SORCS2: variants seen among roughly 807,000 people sequenced by gnomAD.
SORCS2 encodes VPS10 domain-containing receptor SorCS2.
A neutral mutation model predicts 141.6 loss-of-function variants in SORCS2; 100 were observed. The ratio of observed to expected loss-of-function variants is 0.71; its 90% confidence interval spans 0.60 to 0.83. The LOEUF (loss-of-function observed/expected upper bound fraction) is 0.83. Ranked by LOEUF, SORCS2 falls within the 40% of genes least tolerant of loss-of-function variation. SORCS2 has a pLI of 0.00. For missense variants in SORCS2, 1,646 were observed against 1,560.2 expected (o/e 1.05, Z -0.93); for synonymous variants, 789 against 676.9 (o/e 1.17, Z -2.57).
At chr4:7,208,253 C>T (rs900655481) in intron 1 of SORCS2, among the ~76,000 whole-genome samples, 6 of 152,146 alleles carry the variant, frequency 3.9e-5, no homozygotes, top group African/African-American at 4.8e-5. Flanking sequence ...GGTTAGAGAC[C>T]GTCCACGGGG....
chr4:7,740,381 A>G lies in SORCS2; in HGVS notation c.*117A>G. 1 of 878,750 alleles carries G rather than the reference A, an allele frequency of 1.1e-6. No individual in the cohort carries two copies. 54.4% of individuals were successfully genotyped at this position (878,750 alleles called of 1,614,324 possible). A position where few individuals can be genotyped will look rare whatever the true frequency, so the allele number is the denominator to read the frequency against. On this transcript the variant is annotated 3_prime_UTR_variant, in exon 27 of 27. Transcript: ENST00000507866. ...AAAGCCCCCTCCCTGAGTCGTCGCCACACCAGGCGACAGGCACCACCCCCT... is the reference window on the plus strand; with the variant it reads ...AAAGCCCCCTCCCTGAGTCGTCGCCGCACCAGGCGACAGGCACCACCCCCT...
chr4:7,632,339 C>A (rs754292414), intron 3 of SORCS2, among the ~76,000 whole-genome samples: 1 of 152,176 alleles, frequency 6.6e-6, no homozygotes, highest in African/African-American at 2.4e-5. Context: ...CCATATGTCT[C>A]CCCCAGAATA....
chr4:7,706,405 G>A (rs1725460367), intron 14 of SORCS2, among the ~76,000 whole-genome samples: 53 of 148,268 alleles, frequency 3.6e-4, no homozygotes, highest in Non-Finnish European at 5.7e-4. Context: ...GCTGGGCTCT[G>A]CCTGGACAGA....
rs58579498 is a variant in SORCS2, at chr4:7,418,756, C to T, written c.548+22401C>T. ...AAACAACAGTCATTCATTGAGCTTA[C>T]GATTCTGTGAATGGGCAATGTGGGC... On this transcript the variant is annotated intron_variant, in intron 2 of 26. Coordinates refer to ENST00000507866, the MANE Select transcript of SORCS2 (RefSeq NM_020777.3). Among the ~76,000 whole-genome samples, 41 of 145,788 alleles carry T rather than the reference C, an allele frequency of 2.8e-4. 1 individual carries two copies. Among genetic ancestry groups the T allele is most frequent in the Admixed American group, 5.5e-4 (8 of 14,418 alleles).
In SORCS2 at chr4:7,600,652, TATATACACACAC is replaced by T. The variant is rs1380742276; in HGVS notation, c.649-37674_649-37663del. 6.2e-5 allele frequency among the ~76,000 whole-genome samples: 6 copies of T among 96,232 alleles called. 1 individual carries two copies. The highest frequency in any genetic ancestry group is 2.3e-4 in the African/African-American group (6 of 26,098). 63.1% of individuals were successfully genotyped at this position (96,232 alleles called of 152,430 possible). ...GTTTTTAGATTACGATATACATATA[TATATACACACAC>T]ACACACACACACACACACACACACA... On this transcript the variant is annotated intron_variant, in intron 3 of 26. Coordinates refer to ENST00000507866, the MANE Select transcript of SORCS2 (RefSeq NM_020777.3).
At chr4:7,320,155 A>G (rs1026450388) in intron 1 of SORCS2, among the ~76,000 whole-genome samples, 1 of 152,264 alleles carries the variant, frequency 6.6e-6, no homozygotes. Flanking sequence ...AAATGAAAAT[A>G]AGATTTTAAA....
At position 7,662,639 on chromosome 4, in the gene SORCS2, T is replaced by G. The variant is rs141334800; in HGVS notation, c.952+1075T>G. Among the ~76,000 whole-genome samples the G allele has an allele frequency of 3.4e-3, 513 of 152,354 alleles. 6 individuals carry two copies. Among genetic ancestry groups the G allele is most frequent in the African/African-American group, 0.012 (497 of 41,584 alleles). ...ATGTGCTACAGAGAGAAAGATTCAC[T>G]GTCCGCATCACACCACGTTGTCAGG... is the stretch of plus-strand genomic sequence containing the variant. On this transcript the variant is annotated intron_variant, in intron 6 of 26. Transcript: ENST00000507866.
intron 2 of SORCS2, among the ~76,000 whole-genome samples, chr4:7,487,585 T>A (rs1271866486): frequency 6.6e-6 from 1 of 152,232 alleles, no homozygotes; most frequent in Non-Finnish European, 1.5e-5. Context: ...GCACCTGGCC[T>A]CTGCACTTCT....
chr4:7,509,917 G>A (rs1197364786), intron 2 of SORCS2, among the ~76,000 whole-genome samples: 1 of 152,148 alleles, frequency 6.6e-6, no homozygotes, highest in Non-Finnish European at 1.5e-5. Context: ...CTGCTTCAGG[G>A]GCACGAAATT....
intron 1 of SORCS2, among the ~76,000 whole-genome samples, chr4:7,390,026 A>G (rs1228345237): frequency 6.6e-6 from 1 of 152,148 alleles, no homozygotes; most frequent in South Asian, 2.1e-4. Flanking sequence ...CTGCATTTCC[A>G]GGAGCTCCCG....
chr4:7,462,059 A>G (rs1729347123), intron 2 of SORCS2, among the ~76,000 whole-genome samples: 2 of 152,232 alleles, frequency 1.3e-5, no homozygotes, highest in South Asian at 4.1e-4. Flanking sequence ...AAGAGAAGCC[A>G]CAGTGCAAGT....
At chr4:7,710,865 G>T (rs984615739) in intron 14 of SORCS2, among the ~76,000 whole-genome samples, 1 of 152,342 alleles carries the variant, frequency 6.6e-6, no homozygotes, top group Middle Eastern at 3.4e-3. Context: ...CCAGGCCGAG[G>T]GCTCAAGCCC....
At chr4:7,657,736 CTG>C (rs779528966) in intron 5 of SORCS2, among the ~76,000 whole-genome samples, 7 of 147,148 alleles carry the variant, frequency 4.8e-5, no homozygotes, top group South Asian at 2.2e-4. Flanking sequence ...GAGTCTGTGA[CTG>C]TGAGTGAATG....
intron 2 of SORCS2, among the ~76,000 whole-genome samples, chr4:7,403,980 TATATATATATATATATA>T (rs1182762539): frequency 6.4e-4 from 12 of 18,738 alleles, no homozygotes; most frequent in Admixed American, 4.5e-3. Flanking sequence ...TATATATATA[TATATATATATATATATA>T]TTTTTTTTTT....
At chr4:7,624,689 C>T (rs1283470719) in intron 3 of SORCS2, among the ~76,000 whole-genome samples, 7 of 152,328 alleles carry the variant, frequency 4.6e-5, no homozygotes, top group South Asian at 4.1e-4. Flanking sequence ...CACGTCCAAC[C>T]GTACATAGTT....
At chr4:7,615,152 T>C (rs1718678760) in intron 3 of SORCS2, among the ~76,000 whole-genome samples, 1 of 151,342 alleles carries the variant, frequency 6.6e-6, no homozygotes, top group African/African-American at 2.5e-5. Context: ...CATTCACTCA[T>C]TCATTCATTC....
At chr4:7,480,531 C>T (rs1175659805) in intron 2 of SORCS2, among the ~76,000 whole-genome samples, 1 of 152,342 alleles carries the variant, frequency 6.6e-6, no homozygotes. Flanking sequence ...AGAACAGGCA[C>T]CCGCCAAGGG....
At chr4:7,400,002 A>G (rs1181900207) in intron 2 of SORCS2, among the ~76,000 whole-genome samples, 1 of 152,096 alleles carries the variant, frequency 6.6e-6, no homozygotes, top group African/African-American at 2.4e-5. Flanking sequence ...TGCATTTCTA[A>G]CAAGCTCCCG....
At chr4:7,344,813 A>G (rs1203901284) in intron 1 of SORCS2, among the ~76,000 whole-genome samples, 1 of 152,198 alleles carries the variant, frequency 6.6e-6, no homozygotes, top group African/African-American at 2.4e-5. Context: ...TCCCCCGTGT[A>G]CTGACTCACT....
Sources: gnomAD v4.1 joint callset for allele counts (sites outside exome capture counted in the v4.1 genomes callset) on GRCh38, gnomAD v4.1.1 for gene constraint, MANE v1.5 for transcripts, NCBI Gene and HGNC (gene_info 2026-07-23, HGNC 2026-07-21) for gene names.